Variants in EFEMP2 observed in about 807,000 individuals in gnomAD.
EFEMP2 encodes the protein EGF-like fibulin extracellular matrix protein 2.
EFEMP2 carries 21 observed loss-of-function variants against 55.3 expected under a neutral mutation model. The ratio of observed to expected loss-of-function variants is 0.38; its 90% CI spans 0.27 to 0.55. The LOEUF is 0.55. Ranked by LOEUF, EFEMP2 falls within the 20% of genes least tolerant of loss-of-function variation. The probability of loss-of-function intolerance (pLI) is 0.77; values close to 1 mark genes in which losing one functional copy is unlikely to be tolerated. For missense variants in EFEMP2, 513 were observed against 615.1 expected, an observed-to-expected ratio of 0.83 and a Z score of 1.76; for synonymous variants, 275 against 242.3, an observed-to-expected ratio of 1.14 and a Z score of -1.25.
chr11:65,868,997 T>C (rs1310174171), intron 7 of EFEMP2: 2 of 321,668 alleles, frequency 6.2e-6, no homozygotes, highest in Non-Finnish European at 1.2e-5. Context: ...GCCCAATTCC[T>C]GCAACCCACA....
At chr11:65,867,167 C>T (rs1482557814) in intron 10 of EFEMP2, 88 bp from the exon 11 acceptor site, 85 of 1,553,842 alleles carry the variant, frequency 5.5e-5, no homozygotes, top group Non-Finnish European at 7.0e-5. Flanking sequence ...GCCCCGTGGC[C>T]GTGAGGCAGA....
In EFEMP2 at chr11:65,871,462, C is replaced by A. The variant is rs1859964570; in HGVS notation, c.161-99G>T. ...CTCGGCCTTCTCTGAGATGTGTGGC[C>A]CCAGCAAAGCCTTCCCACTCTGCTC... On this transcript the variant is annotated intron_variant, in intron 3 of 10. Transcript: ENST00000307998. The A allele has an allele frequency of 3.6e-5, 40 of 1,125,908 alleles. 2 individuals are homozygous for A. The South Asian group carries it at 5.0e-4, about 14-fold the overall frequency. 69.7% of individuals were successfully genotyped at this position (1,125,908 alleles called of 1,614,324 possible).
rs768932310 is a variant in EFEMP2, at chr11:65,866,505, T to A, written c.*413A>T. 11 of 702,618 alleles carry A rather than the reference T, an allele frequency of 1.6e-5. No homozygotes were observed. The highest frequency in any genetic ancestry group is 2.9e-5 in the Non-Finnish European group (11 of 384,982). The allele number at this position is 702,618 out of a possible 1,614,324, so 43.5% of individuals were successfully genotyped here. A position where few individuals can be genotyped will look rare whatever the true frequency, so the allele number is the denominator to read the frequency against. Reference sequence around the variant, plus strand: ...AGGGAACTACTAGGGCTTATCCAAATGTACAGTTTGAGGCAGAGTTAGGAA... The same window carrying A: ...AGGGAACTACTAGGGCTTATCCAAAAGTACAGTTTGAGGCAGAGTTAGGAA... On this transcript the variant is annotated 3_prime_UTR_variant, in exon 11 of 11. Coordinates refer to ENST00000307998, the MANE Select transcript of EFEMP2 (RefSeq NM_016938.5).
At chr11:65,871,635 T>TGGG in intron 3 of EFEMP2, 1 of 593,460 alleles carries the variant, frequency 1.7e-6, no homozygotes, top group East Asian at 2.8e-5. Flanking sequence ...CAGCCCAAGA[T>TGGG]GGGGGGCCTC....
In EFEMP2 at chr11:65,869,930, G is replaced by A. The variant is rs1859934586; in HGVS notation, c.654C>T (p.Phe218=). The A allele has an allele frequency of 6.2e-7, 1 of 1,614,020 alleles. No individual in the cohort carries two copies. Among genetic ancestry groups the A allele is most frequent in the East Asian group, 2.2e-5 (1 of 44,886 alleles). The change falls in exon 7 of 11, where the codon TTC becomes TTT. Residue 218 remains phenylalanine, a synonymous_variant. Coordinates refer to ENST00000307998, the MANE Select transcript of EFEMP2 (RefSeq NM_016938.5). ...GACACAGGAAGGTCCCATAGGAGTT[G>A]AAGCAGCGCTGCTCGCATGGGGCCC... ...DMGAPCEQRC[F]NSYGTFLCRC...
Position 65,868,496 on chromosome 11 carries a change from C to A in EFEMP2, c.847+14G>T, listed in dbSNP as rs765251023. The A allele has an allele frequency of 3.1e-6, 5 of 1,613,786 alleles. No individual in the cohort carries two copies. The highest frequency in any genetic ancestry group is 4.2e-6 in the Non-Finnish European group (5 of 1,180,024). On this transcript the variant is annotated intron_variant, in intron 8 of 10. Coordinates refer to ENST00000307998, the MANE Select transcript of EFEMP2 (RefSeq NM_016938.5). Reference sequence around the variant, plus strand: ...CTGACACCGTCCTGCCCATCCCACCCGGGCAACCTGTACCTTGGCAGAGGC... The same window carrying A: ...CTGACACCGTCCTGCCCATCCCACCAGGGCAACCTGTACCTTGGCAGAGGC...
chr11:65,871,878 G>A (rs1421577079), intron 3 of EFEMP2, 92 bp downstream of exon 3: 56 of 1,475,996 alleles, frequency 3.8e-5, no homozygotes, highest in East Asian at 7.4e-5. Context: ...GGGCTCCCAC[G>A]GCAGTTCTTG....
intron 10 of EFEMP2, chr11:65,867,537 A>G: frequency 6.6e-6 from 3 of 457,576 alleles, no homozygotes; most frequent in South Asian, 6.3e-5. Context: ...CCTCCCACCT[A>G]ACAGATCCAC....
chr11:65,872,231 TCACTGTCCC>T lies in EFEMP2; in HGVS notation c.111+4_111+12del, dbSNP rs2134753586. On this transcript the variant is annotated splice_donor_5th_base_variant and intron_variant, in intron 2 of 10. Coordinates refer to ENST00000307998, the MANE Select transcript of EFEMP2 (RefSeq NM_016938.5). ...CCTTCCTGTCCCAGGCCAGCGGCCC[TCACTGTCCC>T]CACCGTGTAGCTGTCGGGCTCTTCA... The T allele has an allele frequency of 7.1e-6, 11 of 1,549,768 alleles. No homozygotes were observed. Among genetic ancestry groups the T allele is most frequent in the Non-Finnish European group, 7.9e-6 (9 of 1,145,446 alleles).
At chr11:65,867,321 C>A (rs1342595120) in intron 10 of EFEMP2, 2 of 579,112 alleles carry the variant, frequency 3.5e-6, no homozygotes, top group African/African-American at 3.7e-5. Flanking sequence ...TCTGTCTGAC[C>A]CAGGCTAACT....
chr11:65,870,670 A>G lies in EFEMP2; in HGVS notation c.368-12T>C. The G allele has an allele frequency of 6.2e-7, 1 of 1,613,864 alleles. No homozygotes were observed. Among genetic ancestry groups the G allele is most frequent in the Non-Finnish European group, 8.5e-7 (1 of 1,179,986 alleles). ...ACACTCGTCCACATCTGCGAGAGAC[A>G]CCACTCAGCCCCTGCCTGGGATCCC... is the stretch of plus-strand genomic sequence containing the variant. On this transcript the variant is annotated splice_polypyrimidine_tract_variant and intron_variant, in intron 4 of 10. Transcript: ENST00000307998.
chr11:65,869,195 T>C, intron 7 of EFEMP2: 1 of 198,584 alleles, frequency 5.0e-6, no homozygotes, highest in Non-Finnish European at 1.0e-5. Flanking sequence ...TGGCCCCATC[T>C]CATCCTGGCT....
chr11:65,868,653 C>A (rs761260850), intron 7 of EFEMP2, 24 bp from the exon 8 acceptor site: 1 of 1,613,280 alleles, frequency 6.2e-7, no homozygotes, highest in Non-Finnish European at 8.5e-7. Context: ...GGGATGGGGA[C>A]CCCGGGTCAA....
At chr11:65,872,112 C>T in intron 2 of EFEMP2, 94 bp from the exon 3 acceptor site, 1 of 1,527,330 alleles carries the variant, frequency 6.5e-7, no homozygotes, top group African/African-American at 1.4e-5. Flanking sequence ...ACCCTCCGGC[C>T]TGCTCCAAAC....
At chr11:65,870,329 T>C (rs1859943994) in intron 5 of EFEMP2, 92 bp from the exon 6 acceptor site, 1 of 1,443,014 alleles carries the variant, frequency 6.9e-7, no homozygotes, top group Non-Finnish European at 9.7e-7. Flanking sequence ...TCACCACCCA[T>C]AATCCTGTGT....
At chr11:65,868,267 G>A (rs931224413) in intron 9 of EFEMP2, 28 bp downstream of exon 9, 8 of 1,613,018 alleles carry the variant, frequency 5.0e-6, no homozygotes, top group African/African-American at 2.7e-5. Flanking sequence ...CGTAGTTTCT[G>A]TGGGGGCCTG....
In EFEMP2 at chr11:65,871,219, G is replaced by A. The variant is rs750731436; in HGVS notation, c.305C>T (p.Pro102Leu). Reference sequence around the variant, plus strand: ...TGGGCAGGGGTTGGGGTGTTGAGCGGGAGGCACTGGTGGCGGGGGTCCCTC... The same window carrying A: ...TGGGCAGGGGTTGGGGTGTTGAGCGAGAGGCACTGGTGGCGGGGGTCCCTC... ...HGEGPPPPVP[P>L]AQHPNPCPPG... Residue 102 changes from proline (P) to leucine (L), a missense_variant, in exon 4 of 11, where the codon CCC becomes CTC. Coordinates refer to ENST00000307998, the MANE Select transcript of EFEMP2 (RefSeq NM_016938.5). 3.7e-6 allele frequency: 6 copies of A among 1,613,992 alleles called. No homozygotes were observed. The East Asian group carries it at 1.1e-4, about 30-fold the overall frequency.
intron 7 of EFEMP2, chr11:65,869,230 A>T (rs1189233641): frequency 5.3e-6 from 1 of 190,408 alleles, no homozygotes; most frequent in African/African-American, 2.4e-5. Flanking sequence ...GGGTCACTTA[A>T]CCTCTCTTAG....
Position 65,871,251 on chromosome 11 carries a change from T to C in EFEMP2, c.273A>G (p.Leu91=), listed in dbSNP as rs770791862. Residue 91 remains leucine, a synonymous_variant, in exon 4 of 11, where the codon CTA becomes CTG. Coordinates refer to ENST00000307998, the MANE Select transcript of EFEMP2 (RefSeq NM_016938.5). ...LPRSAAVIND[L]HGEGPPPPVP... ...CTGGTGGCGGGGGTCCCTCGCCGTG[T>C]AGGTCGTTGATGACGGCAGCGGAGC... The C allele has an allele frequency of 7.1e-5, 115 of 1,613,862 alleles. No homozygotes were observed. The highest frequency in any genetic ancestry group is 8.6e-5 in the Non-Finnish European group (102 of 1,179,894).
Sources: allele counts gnomAD v4.1 joint callset, GRCh38; gene constraint gnomAD v4.1.1; transcripts MANE v1.5; gene names NCBI Gene and HGNC (gene_info 2026-07-23, HGNC 2026-07-21).